C4orf36: variants seen among roughly 807,000 people sequenced by gnomAD.
The protein encoded by C4orf36 is chromosome 4 open reading frame 36.
C4orf36 carries 11 observed loss-of-function variants against 12.2 expected under a neutral mutation model. The ratio of observed to expected loss-of-function variants is 0.90; its 90% CI spans 0.57 to 1.49. The LOEUF (loss-of-function observed/expected upper bound fraction) is 1.49, where lower values mean the gene tolerates loss of function less well. Ranked by LOEUF, C4orf36 falls within the 40% of genes most tolerant of loss-of-function variation. The pLI, the probability that C4orf36 is intolerant of heterozygous loss-of-function variation, is 0.00. For synonymous variants in C4orf36, 54 were observed against 51.3 expected (o/e 1.05, Z -0.22); for missense variants, 137 against 133.9 (o/e 1.02, Z -0.11).
the C4orf36 span, among the ~76,000 whole-genome samples, chr4:86,917,111 C>G: frequency 6.6e-6 from 1 of 152,016 alleles, no homozygotes; most frequent in Non-Finnish European, 1.5e-5. Context: ...GACACCATTT[C>G]TACAAAAAAA....
chr4:86,896,397 A>C (rs1438786128), upstream of C4orf36, among the ~76,000 whole-genome samples: 4 of 152,336 alleles, frequency 2.6e-5, no homozygotes, highest in Non-Finnish European at 5.9e-5. Flanking sequence ...CTTTTAACTT[A>C]ATGTGTAAAT....
chr4:86,893,610 A>T (rs1286981026), upstream of C4orf36, among the ~76,000 whole-genome samples: 1 of 151,726 alleles, frequency 6.6e-6, no homozygotes, highest in African/African-American at 2.4e-5. Flanking sequence ...AAACACAGTA[A>T]CCTTTCCATC....
At chr4:86,894,758 C>G (rs1747553249), upstream of C4orf36, among the ~76,000 whole-genome samples, 1 of 152,134 alleles carries the variant, frequency 6.6e-6, no homozygotes, top group South Asian at 2.1e-4. Flanking sequence ...TCTTGGGTCA[C>G]TCACCCTAGG....
upstream of C4orf36, chr4:86,892,423 G>A: frequency 2.0e-6 from 2 of 985,450 alleles, no homozygotes; most frequent in Non-Finnish European, 2.4e-6. Context: ...CGCCGAGTCT[G>A]GGGCTCCTCG....
chr4:86,893,784 G>A (rs1273708358), upstream of C4orf36, among the ~76,000 whole-genome samples: 2 of 152,170 alleles, frequency 1.3e-5, no homozygotes, highest in Admixed American at 6.5e-5. Flanking sequence ...AGGAGTGACA[G>A]TGGGTGTTTT....
At chr4:86,917,330 TGAAG>T in the C4orf36 span, among the ~76,000 whole-genome samples, 1 of 132,188 alleles carries the variant, frequency 7.6e-6, no homozygotes, top group East Asian at 2.2e-4. Context: ...GAGAGAGAGA[TGAAG>T]GAAGGAAGGA....
At chr4:86,921,572 T>C in the C4orf36 span, among the ~76,000 whole-genome samples, 1 of 152,250 alleles carries the variant, frequency 6.6e-6, no homozygotes, top group Non-Finnish European at 1.5e-5. Flanking sequence ...ATTTAGACTT[T>C]AGCTAACAGA....
the C4orf36 span, among the ~76,000 whole-genome samples, chr4:86,924,044 T>C: frequency 6.6e-6 from 1 of 152,126 alleles, no homozygotes; most frequent in African/African-American, 2.4e-5. Context: ...TTGCTCCCTC[T>C]CTCTTTTTTC....
At chr4:86,917,496 GAA>G in the C4orf36 span, among the ~76,000 whole-genome samples, 1 of 91,232 alleles carries the variant, frequency 1.1e-5, no homozygotes, top group Non-Finnish European at 2.7e-5. Context: ...GAAAGGGAGA[GAA>G]AGAAAGAGAA....
intron 4 of C4orf36, among the ~76,000 whole-genome samples, chr4:86,876,923 C>G (rs1295328655): frequency 6.6e-6 from 1 of 152,152 alleles, no homozygotes; most frequent in African/African-American, 2.4e-5. Flanking sequence ...TCAAAACTAA[C>G]AGCAACAATG....
chr4:86,919,113 G>A, the C4orf36 span, among the ~76,000 whole-genome samples: 1 of 113,858 alleles, frequency 8.8e-6, no homozygotes, highest in East Asian at 2.4e-4. Context: ...GAGTATCCCA[G>A]CTCCAGGAGA....
At chr4:86,907,447 C>T in the C4orf36 span, among the ~76,000 whole-genome samples, 1 of 152,078 alleles carries the variant, frequency 6.6e-6, no homozygotes, top group Non-Finnish European at 1.5e-5. Flanking sequence ...GTACCAAACC[C>T]CCATGACACA....
At chr4:86,905,218 CAA>C in the C4orf36 span, among the ~76,000 whole-genome samples, 6 of 123,180 alleles carry the variant, frequency 4.9e-5, no homozygotes, top group Admixed American at 1.6e-4. Flanking sequence ...ACTAAAAATA[CAA>C]AAAAAAAAAA....
At chr4:86,932,040 GA>G in the C4orf36 span, among the ~76,000 whole-genome samples, 26,442 of 62,448 alleles carry the variant, frequency 0.42, 2,805 homozygotes, top group Non-Finnish European at 0.52. Flanking sequence ...GTCTCAAAAA[GA>G]AAAAAAAAAA....
the C4orf36 span, among the ~76,000 whole-genome samples, chr4:86,899,495 T>C: frequency 6.6e-6 from 1 of 152,028 alleles, no homozygotes; most frequent in Non-Finnish European, 1.5e-5. Flanking sequence ...TCTTATAGAG[T>C]CTACTCAGTT....
the C4orf36 span, among the ~76,000 whole-genome samples, chr4:86,904,663 G>A: frequency 6.6e-6 from 1 of 151,508 alleles, no homozygotes; most frequent in African/African-American, 2.4e-5. Context: ...AAAGGCTGAG[G>A]CAGGAGAATT....
At chr4:86,891,219 A>G (rs148449857) in intron 2 of C4orf36, among the ~76,000 whole-genome samples, 38 of 151,064 alleles carry the variant, frequency 2.5e-4, no homozygotes, top group African/African-American at 9.0e-4. Context: ...AACTTCTCTG[A>G]ACCTCAGTTT....
At chr4:86,914,345 C>T in the C4orf36 span, 2 of 1,456,348 alleles carry the variant, frequency 1.4e-6, no homozygotes, top group South Asian at 2.3e-5. Context: ...CGTTGTGCTC[C>T]TTGAGTTCAT....
At chr4:86,892,132 C>G (rs1747444420) in intron 1 of C4orf36, 51 bp downstream of exon 1, 1 of 985,510 alleles carries the variant, frequency 1.0e-6, no homozygotes, top group Admixed American at 6.1e-5. Context: ...CTCGGCCGCC[C>G]ACAGAGCCCG....
Sources: gnomAD v4.1 joint callset for allele counts (sites outside exome capture counted in the v4.1 genomes callset) on GRCh38, gnomAD v4.1.1 for gene constraint, MANE v1.5 for transcripts, NCBI Gene and HGNC (gene_info 2026-07-23, HGNC 2026-07-21) for gene names.